NMRK1: variants seen among roughly 807,000 people sequenced by gnomAD.
The protein encoded by NMRK1 is nicotinamide riboside kinase 1.
A neutral mutation model predicts 29.9 loss-of-function variants in NMRK1; 28 were observed. The observed-to-expected ratio is 0.94, with a 90% CI of 0.69 to 1.28. The LOEUF is 1.28. Ranked by LOEUF, NMRK1 falls within the 50% of genes most tolerant of loss-of-function variation. The probability of loss-of-function intolerance (pLI) is 0.00; values close to 1 mark genes in which losing one functional copy is unlikely to be tolerated. For synonymous variants in NMRK1, 58 were observed against 73.0 expected, an observed-to-expected ratio of 0.79 and a Z score of 1.05; for missense variants, 218 against 233.1, an observed-to-expected ratio of 0.94 and a Z score of 0.42.
At chr9:75,066,627 C>A in intron 8 of NMRK1, 130 bp downstream of exon 8, 1 of 711,242 alleles carries the variant, frequency 1.4e-6, no homozygotes, top group Non-Finnish European at 2.6e-6. Context: ...CTGAATTATC[C>A]TCAAAGCAAA....
intron 1 of NMRK1, among the ~76,000 whole-genome samples, chr9:75,084,024 G>C (rs1415383801): frequency 6.6e-6 from 1 of 152,172 alleles, no homozygotes; most frequent in Non-Finnish European, 1.5e-5. Flanking sequence ...TAAGCCACCG[G>C]CCACTGTTTT....
Position 75,077,598 on chromosome 9 carries a change from G to GA in NMRK1, c.30-19dup. 1 of 1,576,752 alleles carries GA rather than the reference G, an allele frequency of 6.3e-7. No homozygotes were observed. Among genetic ancestry groups the GA allele is most frequent in the South Asian group, 1.1e-5 (1 of 88,452 alleles). ...TTGTCACACTGAAGCAAAGAAAAAA[G>GA]AAAGTACCAAGAAGGAAAATGCATT... On this transcript the variant is annotated intron_variant, in intron 2 of 8. Coordinates refer to ENST00000361092, the MANE Select transcript of NMRK1 (RefSeq NM_017881.3).
chr9:75,086,511 CT>C (rs935028495), intron 1 of NMRK1, among the ~76,000 whole-genome samples: 19 of 152,066 alleles, frequency 1.2e-4, no homozygotes, highest in African/African-American at 1.9e-4. Context: ...ATTTTTTACA[CT>C]TTTTTTTAAC....
At chr9:75,073,578 T>C (rs566690470) in intron 4 of NMRK1, among the ~76,000 whole-genome samples, 2 of 148,066 alleles carry the variant, frequency 1.4e-5, no homozygotes, top group Admixed American at 6.7e-5. Flanking sequence ...AAATCTACTT[T>C]AAAAAAAAAA....
intron 4 of NMRK1, among the ~76,000 whole-genome samples, chr9:75,071,062 GT>G (rs986698857): frequency 2.0e-3 from 301 of 148,518 alleles, no homozygotes; most frequent in East Asian, 0.012. Flanking sequence ...AATTTGAGAA[GT>G]TTTTTTTTTA....
At chr9:75,073,602 G>A (rs2118122899) in intron 4 of NMRK1, among the ~76,000 whole-genome samples, 1 of 152,178 alleles carries the variant, frequency 6.6e-6, no homozygotes, top group South Asian at 2.1e-4. Flanking sequence ...AGTCAGGCGT[G>A]GTGGTGTGTG....
intron 8 of NMRK1, among the ~76,000 whole-genome samples, chr9:75,062,354 A>T (rs969785596): frequency 6.6e-6 from 1 of 152,134 alleles, no homozygotes; most frequent in East Asian, 1.9e-4. Flanking sequence ...AAATACAAAC[A>T]TCTGATAATT....
At chr9:75,085,894 A>T (rs1286919292) in intron 1 of NMRK1, among the ~76,000 whole-genome samples, 1 of 131,370 alleles carries the variant, frequency 7.6e-6, no homozygotes, top group Non-Finnish European at 1.6e-5. Flanking sequence ...TGGAACATGC[A>T]GAGACAAGAG....
chr9:75,087,323 T>C (rs764460475), intron 1 of NMRK1, among the ~76,000 whole-genome samples: 6 of 152,346 alleles, frequency 3.9e-5, no homozygotes, highest in Admixed American at 1.3e-4. Context: ...TTTGAACTTA[T>C]GCCATTGGCT....
At chr9:75,070,774 G>A (rs1823652795) in intron 4 of NMRK1, among the ~76,000 whole-genome samples, 1 of 152,178 alleles carries the variant, frequency 6.6e-6, no homozygotes, top group Admixed American at 6.5e-5. Flanking sequence ...TTATTTAATA[G>A]ACATAGGACT....
intron 2 of NMRK1, among the ~76,000 whole-genome samples, chr9:75,077,797 G>A (rs919450486): frequency 1.8e-4 from 27 of 151,980 alleles, no homozygotes; most frequent in South Asian, 8.3e-4. Flanking sequence ...CACCATGCCC[G>A]GCTAATTTCT....
intron 4 of NMRK1, among the ~76,000 whole-genome samples, chr9:75,075,522 CCTCT>C (rs1823938741): frequency 6.6e-6 from 1 of 152,110 alleles, no homozygotes; most frequent in South Asian, 2.1e-4. Flanking sequence ...AAGAGAGCTC[CCTCT>C]GTCACTAGTT....
At chr9:75,066,282 G>A (rs752803313) in intron 8 of NMRK1, 1 of 518,580 alleles carries the variant, frequency 1.9e-6, no homozygotes, top group Non-Finnish European at 3.9e-6. Context: ...TGCAAACAGT[G>A]CCGTCCAATA....
chr9:75,082,902 A>G (rs1424858177), intron 2 of NMRK1, 185 bp downstream of exon 2: 3 of 581,394 alleles, frequency 5.2e-6, no homozygotes, highest in South Asian at 2.2e-5. Flanking sequence ...CTCTGTTTAT[A>G]GAAAACTCTT....
intron 7 of NMRK1, chr9:75,067,251 A>G (rs562350153): frequency 6.1e-6 from 1 of 164,884 alleles, no homozygotes; most frequent in South Asian, 1.6e-4. Context: ...TTCTTAAACA[A>G]TGCAGTGGTC....
intron 2 of NMRK1, chr9:75,078,191 A>G: frequency 2.9e-6 from 4 of 1,368,364 alleles, no homozygotes; most frequent in South Asian, 1.7e-5. Flanking sequence ...AAATATTCAC[A>G]TGGTTCATAT....
At chr9:75,079,960 G>A (rs1428589909) in intron 2 of NMRK1, among the ~76,000 whole-genome samples, 1 of 152,152 alleles carries the variant, frequency 6.6e-6, no homozygotes, top group Admixed American at 6.6e-5. Flanking sequence ...ACTACTTGGT[G>A]CCACTCCCTT....
At chr9:75,070,856 C>T (rs919325184) in intron 4 of NMRK1, among the ~76,000 whole-genome samples, 3 of 152,062 alleles carry the variant, frequency 2.0e-5, no homozygotes, top group Admixed American at 6.6e-5. Context: ...GTCAATTTCA[C>T]CTAACTTTTC....
intron 4 of NMRK1, among the ~76,000 whole-genome samples, chr9:75,074,783 C>T (rs1398910997): frequency 6.6e-6 from 1 of 152,126 alleles, no homozygotes; most frequent in Non-Finnish European, 1.5e-5. Flanking sequence ...TTGGTAGTTC[C>T]ACATTTTAAA....
Sources: allele counts gnomAD v4.1 joint callset (sites outside exome capture counted in the v4.1 genomes callset), GRCh38; gene constraint gnomAD v4.1.1; transcripts MANE v1.5; gene names NCBI Gene and HGNC (gene_info 2026-07-23, HGNC 2026-07-21).